CNTN6: variants seen among roughly 807,000 people sequenced by gnomAD.
CNTN6 encodes contactin-6.
Under a neutral mutation model 122.8 loss-of-function variants are expected in CNTN6, and 137 were observed. That is an observed-to-expected ratio of 1.12 (90% CI 0.97 to 1.29). The LOEUF (loss-of-function observed/expected upper bound fraction) is 1.29, where lower values mean the gene tolerates loss of function less well. Among genes scored for constraint, CNTN6 ranks in the 50% most tolerant of loss-of-function variants. CNTN6 has a pLI of 0.00. For missense variants in CNTN6, 1,634 were observed against 1,223.4 expected, an observed-to-expected ratio of 1.34 and a Z score of -5.01; for synonymous variants, 570 against 426.0, an observed-to-expected ratio of 1.34 and a Z score of -4.16.
chr3:1,247,606 G>A (rs12491379), intron 4 of CNTN6, among the ~76,000 whole-genome samples: 4,597 of 152,224 alleles, frequency 0.03, 123 homozygotes, highest in Admixed American at 0.053. Context: ...GGCAAAGAGC[G>A]GTACATATCT....
At chr3:1,234,776 A>G (rs2094400556) in intron 4 of CNTN6, among the ~76,000 whole-genome samples, 1 of 152,164 alleles carries the variant, frequency 6.6e-6, no homozygotes. Context: ...GTAAATTAGT[A>G]TTGATTTTTT....
chr3:1,097,909 A>G (rs1223391881), intron 1 of CNTN6, among the ~76,000 whole-genome samples: 1 of 152,170 alleles, frequency 6.6e-6, no homozygotes, highest in Admixed American at 6.6e-5. Flanking sequence ...AATCAATTGT[A>G]TTGGGTATTT....
chr3:1,278,342 T>G, intron 4 of CNTN6, 71 bp from the exon 5 acceptor site: 1 of 1,094,182 alleles, frequency 9.1e-7, no homozygotes, highest in Middle Eastern at 2.5e-4. Context: ...AAAACATTCT[T>G]GAGATTCTTC....
intron 1 of CNTN6, among the ~76,000 whole-genome samples, chr3:1,134,977 T>C (rs1251965465): frequency 2.6e-5 from 4 of 152,032 alleles, no homozygotes; most frequent in Non-Finnish European, 5.9e-5. Context: ...TTGTATCTCC[T>C]TTGGATACAA....
intron 3 of CNTN6, among the ~76,000 whole-genome samples, chr3:1,224,877 C>A (rs1002161891): frequency 3.5e-4 from 53 of 152,202 alleles, no homozygotes; most frequent in Non-Finnish European, 8.8e-5. Context: ...TCCCGAGTAG[C>A]TGGGATTACA....
Position 1,383,428 on chromosome 3 carries a change from C to T in CNTN6, c.2517+20C>T. 1 of 1,592,798 alleles carries T rather than the reference C, an allele frequency of 6.3e-7. No homozygotes were observed. Among genetic ancestry groups the T allele is most frequent in the Non-Finnish European group, 8.6e-7 (1 of 1,160,920 alleles). On this transcript the variant is annotated intron_variant, in intron 19 of 22. Coordinates refer to ENST00000446702, the MANE Select transcript of CNTN6 (RefSeq NM_001289080.2). ...TATGAGGTAATCCACATTAATTTCA[C>T]TTTTGCTTATGAATGTGCCAATGGA...
At chr3:1,321,581 T>A in intron 7 of CNTN6, 69 bp from the exon 8 acceptor site, 1 of 1,339,734 alleles carries the variant, frequency 7.5e-7, no homozygotes, top group Non-Finnish European at 1.0e-6. Context: ...TTTGTATGGA[T>A]GCTCTTCTTT....
chr3:1,262,650 G>A (rs528045561), intron 4 of CNTN6, among the ~76,000 whole-genome samples: 5 of 152,216 alleles, frequency 3.3e-5, no homozygotes, highest in South Asian at 2.1e-4. Context: ...CCAGTTGGTC[G>A]TTTAGGCCTT....
intron 4 of CNTN6, among the ~76,000 whole-genome samples, chr3:1,271,695 A>G (rs867579268): frequency 2.0e-5 from 3 of 152,230 alleles, no homozygotes; most frequent in Non-Finnish European, 4.4e-5. Flanking sequence ...AGCCACTTCT[A>G]GAAACTACAA....
At chr3:1,184,570 G>A (rs1439967335) in intron 2 of CNTN6, among the ~76,000 whole-genome samples, 1 of 152,110 alleles carries the variant, frequency 6.6e-6, no homozygotes, top group African/African-American at 2.4e-5. Context: ...ATAATAGGCT[G>A]TATTTGAAGG....
intron 10 of CNTN6, among the ~76,000 whole-genome samples, chr3:1,328,219 A>T (rs1026811376): frequency 6.6e-5 from 10 of 151,878 alleles, no homozygotes; most frequent in African/African-American, 1.9e-4. Context: ...GACCATCCAG[A>T]CATCAAGAGG....
At chr3:1,373,004 A>G in intron 14 of CNTN6, 49 bp downstream of exon 14, 2 of 1,058,486 alleles carry the variant, frequency 1.9e-6, no homozygotes, top group Non-Finnish European at 1.4e-6. Context: ...TCACAGTTAC[A>G]GTGTTCATAT....
In CNTN6 at chr3:1,312,614, C is replaced by CA. The variant is rs5846106; in HGVS notation, c.762-9020dup. 4.4e-3 allele frequency among the ~76,000 whole-genome samples: 605 copies of CA among 137,884 alleles called. 6 individuals carry two copies. Among genetic ancestry groups the CA allele is most frequent in the South Asian group, 0.017 (73 of 4,272 alleles). 90.5% of individuals were successfully genotyped at this position (137,884 alleles called of 152,430 possible). A position where few individuals can be genotyped will look rare whatever the true frequency, so the allele number is the denominator to read the frequency against. ...GTGATTTCACCTTTTGCCTCTTATA[C>CA]AAAAAAAAAAAAAAAAGCATCTATT... On this transcript the variant is annotated intron_variant, in intron 7 of 22. Coordinates refer to ENST00000446702, the MANE Select transcript of CNTN6 (RefSeq NM_001289080.2).
intron 12 of CNTN6, among the ~76,000 whole-genome samples, chr3:1,358,416 C>G (rs1706933791): frequency 6.7e-6 from 1 of 150,180 alleles, no homozygotes; most frequent in African/African-American, 2.4e-5. Context: ...CTTAGGCATT[C>G]TCTCTCTAAA....
rs528813262 is a variant in CNTN6 at position 1,148,129 on chromosome 3, G to T, written c.55+66G>T. 1.7e-5 allele frequency: 21 copies of T among 1,258,602 alleles called. No homozygotes were observed. In the South Asian group the frequency reaches 2.8e-4, roughly 17 times the overall value. The allele number at this position is 1,258,602 out of a possible 1,614,324, so 78.0% of individuals were successfully genotyped here. A position where few individuals can be genotyped will look rare whatever the true frequency, so the allele number is the denominator to read the frequency against. ...ATTGGCATTGTATTTCTTTCTATGG[G>T]TGAAGCAATTTTCAAAATGCACAAT... On this transcript the variant is annotated intron_variant, in intron 2 of 22. Coordinates refer to ENST00000446702, the MANE Select transcript of CNTN6 (RefSeq NM_001289080.2).
chr3:1,382,105 TAAAA>T (rs5846113), intron 17 of CNTN6, among the ~76,000 whole-genome samples: 3,959 of 145,376 alleles, frequency 0.027, 75 homozygotes, highest in Non-Finnish European at 0.043. Context: ...GAATATTTAT[TAAAA>T]AAAAAAAAGC....
chr3:1,400,897 C>T (rs1043230703), intron 20 of CNTN6, among the ~76,000 whole-genome samples: 3 of 152,062 alleles, frequency 2.0e-5, no homozygotes, highest in Non-Finnish European at 4.4e-5. Context: ...TCAGACTCTG[C>T]TGCAATCTGC....
intron 2 of CNTN6, among the ~76,000 whole-genome samples, chr3:1,162,355 C>G (rs941971521): frequency 2.6e-5 from 4 of 152,102 alleles, no homozygotes; most frequent in Admixed American, 2.0e-4. Flanking sequence ...CACTTATAAT[C>G]AAACACAAAA....
intron 1 of CNTN6, among the ~76,000 whole-genome samples, chr3:1,125,463 T>G (rs1256907240): frequency 6.6e-6 from 1 of 151,834 alleles, no homozygotes; most frequent in African/African-American, 2.4e-5. Context: ...TCCCTGGCAG[T>G]GCCCAATTTC....
Sources: allele counts gnomAD v4.1 joint callset (sites outside exome capture counted in the v4.1 genomes callset), GRCh38; gene constraint gnomAD v4.1.1; transcripts MANE v1.5; gene names NCBI Gene and HGNC (gene_info 2026-07-23, HGNC 2026-07-21).